Variants in SUCLG2 observed in about 807,000 individuals in gnomAD.
SUCLG2 encodes succinate-CoA ligase GDP-forming subunit beta.
Under a neutral mutation model 47.9 loss-of-function variants are expected in SUCLG2, and 42 were observed. The observed-to-expected ratio is 0.88, with a 90% CI of 0.69 to 1.14. SUCLG2 has a LOEUF of 1.14. Among genes scored for constraint, SUCLG2 ranks in the 50% most tolerant of loss-of-function variants. The probability of loss-of-function intolerance (pLI) is 0.00; values close to 1 mark genes in which losing one functional copy is unlikely to be tolerated. For missense variants in SUCLG2, 571 were observed against 525.9 expected (o/e 1.09, Z -0.84); for synonymous variants, 195 against 197.3 (o/e 0.99, Z 0.10).
At chr3:67,484,883 A>C (rs1019928275) in intron 9 of SUCLG2, among the ~76,000 whole-genome samples, 2 of 152,226 alleles carry the variant, frequency 1.3e-5, no homozygotes, top group Non-Finnish European at 2.9e-5. Flanking sequence ...GTGGGAATGC[A>C]CAGAGAAATC....
downstream of SUCLG2, among the ~76,000 whole-genome samples, chr3:67,372,823 AT>A (rs1193917918): frequency 2.0e-5 from 3 of 152,142 alleles, no homozygotes; most frequent in African/African-American, 7.2e-5. Context: ...GCAATGTTGT[AT>A]TTTTTTATTT....
chr3:67,377,299 C>T (rs1452291589), intron 10 of SUCLG2, among the ~76,000 whole-genome samples: 1 of 152,186 alleles, frequency 6.6e-6, no homozygotes, highest in African/African-American at 2.4e-5. Flanking sequence ...AAAATGAGGA[C>T]AGTATAGCTG....
At chr3:67,464,549 AG>A (rs1704423773) in intron 9 of SUCLG2, among the ~76,000 whole-genome samples, 1 of 152,234 alleles carries the variant, frequency 6.6e-6, no homozygotes, top group Non-Finnish European at 1.5e-5. Flanking sequence ...TGGTCAGAAA[AG>A]AAGCAGATGT....
At chr3:67,620,857 G>C (rs1364961678) in intron 1 of SUCLG2, among the ~76,000 whole-genome samples, 3 of 152,124 alleles carry the variant, frequency 2.0e-5, no homozygotes, top group Non-Finnish European at 4.4e-5. Flanking sequence ...AATGCCAGCA[G>C]GGACCAGATA....
chr3:67,596,269 A>G (rs953189655), intron 2 of SUCLG2, among the ~76,000 whole-genome samples: 1 of 152,236 alleles, frequency 6.6e-6, no homozygotes, highest in Non-Finnish European at 1.5e-5. Context: ...CTAGCTTTAC[A>G]TACAAACAGT....
At chr3:67,628,706 T>C (rs1335281209) in intron 1 of SUCLG2, among the ~76,000 whole-genome samples, 1 of 152,202 alleles carries the variant, frequency 6.6e-6, no homozygotes, top group Non-Finnish European at 1.5e-5. Flanking sequence ...CTGTCTTGCC[T>C]GCCACCCTGT....
chr3:67,623,431 G>A (rs1700769950), intron 1 of SUCLG2, among the ~76,000 whole-genome samples: 2 of 152,186 alleles, frequency 1.3e-5, no homozygotes, highest in African/African-American at 4.8e-5. Flanking sequence ...AACCCGAGAG[G>A]CGGTGCTTGC....
chr3:67,386,349 C>CA (rs1160634445), intron 10 of SUCLG2, among the ~76,000 whole-genome samples: 1 of 151,440 alleles, frequency 6.6e-6, no homozygotes, highest in Non-Finnish European at 1.5e-5. Flanking sequence ...ACCTGAATAA[C>CA]AGACACTTTA....
chr3:67,564,109 C>T (rs767582030), intron 2 of SUCLG2, among the ~76,000 whole-genome samples: 6 of 152,090 alleles, frequency 3.9e-5, no homozygotes, highest in Non-Finnish European at 7.4e-5. Flanking sequence ...ATTTTTCCTA[C>T]TAGAAAAATC....
intron 1 of SUCLG2, among the ~76,000 whole-genome samples, chr3:67,615,621 A>ACACACACACACACAC (rs1553670704): frequency 1.4e-5 from 2 of 142,084 alleles, no homozygotes; most frequent in Admixed American, 7.0e-5. Flanking sequence ...CACAAACACA[A>ACACACACACACACAC]ACACACACAC....
intron 1 of SUCLG2, among the ~76,000 whole-genome samples, chr3:67,613,392 T>C (rs1700567149): frequency 6.6e-6 from 1 of 152,126 alleles, no homozygotes; most frequent in South Asian, 2.1e-4. Context: ...AAATATGTAT[T>C]TTTTTTATTA....
intron 2 of SUCLG2, among the ~76,000 whole-genome samples, chr3:67,598,246 T>A (rs1445071162): frequency 6.6e-6 from 1 of 152,090 alleles, no homozygotes; most frequent in Non-Finnish European, 1.5e-5. Context: ...CCTCCCAAAG[T>A]GCTAGGATTA....
intron 6 of SUCLG2, among the ~76,000 whole-genome samples, chr3:67,515,164 G>A (rs2107115521): frequency 6.6e-6 from 1 of 152,186 alleles, no homozygotes; most frequent in Middle Eastern, 3.4e-3. Flanking sequence ...TTTTATTACA[G>A]TATATTGCTA....
chr3:67,611,085 C>T (rs1198051473), intron 1 of SUCLG2, among the ~76,000 whole-genome samples: 1 of 152,180 alleles, frequency 6.6e-6, no homozygotes, highest in African/African-American at 2.4e-5. Context: ...TTCCCAGAAA[C>T]TGGCCACCTC....
At chr3:67,564,364 T>C (rs778106689) in intron 2 of SUCLG2, among the ~76,000 whole-genome samples, 6 of 150,958 alleles carry the variant, frequency 4.0e-5, no homozygotes, top group Non-Finnish European at 7.4e-5. Context: ...CCTCACACTT[T>C]ACCTTGACTT....
chr3:67,374,362 T>C (rs1701993541), downstream of SUCLG2, among the ~76,000 whole-genome samples: 1 of 152,218 alleles, frequency 6.6e-6, no homozygotes, highest in Non-Finnish European at 1.5e-5. Flanking sequence ...TAGTTTGGTC[T>C]ACTACATATT....
chr3:67,584,633 C>A (rs1034612125), intron 2 of SUCLG2, among the ~76,000 whole-genome samples: 7 of 152,130 alleles, frequency 4.6e-5, no homozygotes, highest in African/African-American at 1.7e-4. Context: ...TAATTGAATA[C>A]TCTCTGGTAA....
At chr3:67,520,423 T>G in intron 5 of SUCLG2, 59 bp downstream of exon 5, 1 of 1,610,812 alleles carries the variant, frequency 6.2e-7, no homozygotes, top group Admixed American at 1.7e-5. Context: ...CCATTAAATA[T>G]TTAACAGCTT....
At chr3:67,548,898 C>T (rs1706936639) in intron 2 of SUCLG2, among the ~76,000 whole-genome samples, 1 of 152,174 alleles carries the variant, frequency 6.6e-6, no homozygotes. Flanking sequence ...AAAAAGGAAT[C>T]AGCTTCCCCC....
Sources: allele counts gnomAD v4.1 joint callset (sites outside exome capture counted in the v4.1 genomes callset), GRCh38; gene constraint gnomAD v4.1.1; transcripts MANE v1.5; gene names NCBI Gene and HGNC (gene_info 2026-07-23, HGNC 2026-07-21).